Variants in KIAA1217 observed in about 807,000 individuals in gnomAD.
The protein encoded by KIAA1217 is KIAA1217, also known as sickle tail protein homolog.
In KIAA1217, 88 loss-of-function variants were observed where a neutral mutation model predicts 163.9. The ratio of observed to expected loss-of-function variants is 0.54; its 90% CI spans 0.45 to 0.64. The LOEUF (loss-of-function observed/expected upper bound fraction) is 0.64, where lower values mean the gene tolerates loss of function less well. Among genes scored for constraint, KIAA1217 ranks in the 30% least tolerant of loss-of-function variants. The pLI is 0.00. For missense variants in KIAA1217, 2,372 were observed against 2,475.0 expected (o/e 0.96, Z 0.88); for synonymous variants, 903 against 923.1 (o/e 0.98, Z 0.39).
intron 2 of KIAA1217, among the ~76,000 whole-genome samples, chr10:24,112,623 C>T (rs1201936163): frequency 2.6e-5 from 4 of 151,808 alleles, no homozygotes; most frequent in South Asian, 4.2e-4. Flanking sequence ...CTCGCTCTGT[C>T]GCCCAGGCTG....
intron 2 of KIAA1217, among the ~76,000 whole-genome samples, chr10:24,043,279 G>C (rs953938964): frequency 6.6e-6 from 1 of 152,052 alleles, no homozygotes; most frequent in East Asian, 1.9e-4. Context: ...TGTAATATTT[G>C]GCCCTGTGAT....
intron 2 of KIAA1217, among the ~76,000 whole-genome samples, chr10:24,082,367 C>A (rs1338165261): frequency 6.6e-6 from 1 of 152,080 alleles, no homozygotes; most frequent in African/African-American, 2.4e-5. Context: ...GCCCAGCATG[C>A]CTTAGCTATT....
intron 1 of KIAA1217, among the ~76,000 whole-genome samples, chr10:23,998,827 T>C (rs1564598950): frequency 6.6e-6 from 1 of 152,222 alleles, no homozygotes; most frequent in African/African-American, 2.4e-5. Context: ...TGGTTCGTAT[T>C]GAGCATGGTT....
intron 2 of KIAA1217, among the ~76,000 whole-genome samples, chr10:24,353,146 G>A (rs944910591): frequency 1.1e-4 from 17 of 152,020 alleles, no homozygotes; most frequent in African/African-American, 1.7e-4. Flanking sequence ...TAGGTGGTGC[G>A]GTTTCCTGTT....
chr10:23,758,497 T>C (rs1160699563), intron 1 of KIAA1217, among the ~76,000 whole-genome samples: 1 of 152,144 alleles, frequency 6.6e-6, no homozygotes, highest in African/African-American at 2.4e-5. Flanking sequence ...GTCTTCCAGC[T>C]TTGTTATTTT....
intron 2 of KIAA1217, among the ~76,000 whole-genome samples, chr10:24,147,871 G>GAGAAAAGA (rs2064409376): frequency 1.1e-5 from 1 of 94,884 alleles, no homozygotes; most frequent in Non-Finnish European, 2.2e-5. Context: ...AAGAAAGAAA[G>GAGAAAAGA]AGAAAAGAAA....
intron 2 of KIAA1217, among the ~76,000 whole-genome samples, chr10:24,144,351 A>G (rs113420545): frequency 0.011 from 1,641 of 152,348 alleles, 11 homozygotes; most frequent in Non-Finnish European, 0.017. Context: ...GAAATAGAAG[A>G]GCAGATATTG....
intron 9 of KIAA1217, among the ~76,000 whole-genome samples, chr10:24,504,303 G>T (rs577331746): frequency 3.3e-5 from 5 of 152,306 alleles, no homozygotes; most frequent in African/African-American, 9.6e-5. Flanking sequence ...GTGCTTTTGA[G>T]CCTGGGAAGT....
intron 17 of KIAA1217, among the ~76,000 whole-genome samples, chr10:24,540,319 C>T (rs987150724): frequency 6.6e-6 from 1 of 152,126 alleles, no homozygotes; most frequent in South Asian, 2.1e-4. Context: ...CTGCAACCTC[C>T]GCCTCCTGAG....
At chr10:24,475,514 A>G (rs2063917287) in intron 6 of KIAA1217, among the ~76,000 whole-genome samples, 1 of 152,258 alleles carries the variant, frequency 6.6e-6, no homozygotes, top group South Asian at 2.1e-4. Flanking sequence ...GAGAAAGAAC[A>G]TGAAAGTTCT....
At chr10:23,777,452 G>A (rs1835053705) in intron 1 of KIAA1217, among the ~76,000 whole-genome samples, 1 of 152,168 alleles carries the variant, frequency 6.6e-6, no homozygotes, top group Non-Finnish European at 1.5e-5. Flanking sequence ...AAGAGGGAAG[G>A]GGTCTTGCCT....
intron 2 of KIAA1217, among the ~76,000 whole-genome samples, chr10:24,105,739 A>G (rs1402670775): frequency 1.3e-5 from 2 of 152,210 alleles, no homozygotes; most frequent in Non-Finnish European, 2.9e-5. Flanking sequence ...GCATTCTTCT[A>G]GGATGCAATG....
chr10:23,975,779 A>G (rs191882186), intron 1 of KIAA1217, among the ~76,000 whole-genome samples: 72 of 152,212 alleles, frequency 4.7e-4, no homozygotes, highest in Non-Finnish European at 9.3e-4. Flanking sequence ...AGGGATGTCT[A>G]TTCTTTTTGC....
chr10:24,332,852 A>G (rs1004517720), intron 2 of KIAA1217, among the ~76,000 whole-genome samples: 1 of 152,172 alleles, frequency 6.6e-6, no homozygotes, highest in African/African-American at 2.4e-5. Context: ...AACCTGCAAG[A>G]TGGCAGGAAA....
intron 2 of KIAA1217, among the ~76,000 whole-genome samples, chr10:24,197,785 A>G (rs1009403891): frequency 1.3e-5 from 2 of 152,264 alleles, no homozygotes; most frequent in Non-Finnish European, 2.9e-5. Context: ...ACACAGATTT[A>G]TCTCAAACAC....
chr10:23,950,482 G>A (rs143903001), intron 1 of KIAA1217, among the ~76,000 whole-genome samples: 10 of 115,076 alleles, frequency 8.7e-5, no homozygotes. Flanking sequence ...TCACAGACAG[G>A]GATACGGGAG....
intron 3 of KIAA1217, among the ~76,000 whole-genome samples, chr10:24,430,898 G>T (rs2059554413): frequency 6.6e-6 from 1 of 152,224 alleles, no homozygotes; most frequent in Non-Finnish European, 1.5e-5. Flanking sequence ...ACTGGTACTG[G>T]TTTGTGGCCT....
intron 2 of KIAA1217, among the ~76,000 whole-genome samples, chr10:24,376,823 C>T (rs780401427): frequency 3.9e-5 from 6 of 152,106 alleles, no homozygotes; most frequent in East Asian, 1.9e-4. Flanking sequence ...CTCTGGAGTG[C>T]GCCACACGTG....
chr10:24,108,594 CT>C (rs1369110169), intron 2 of KIAA1217, among the ~76,000 whole-genome samples: 2 of 152,060 alleles, frequency 1.3e-5, no homozygotes, highest in African/African-American at 4.8e-5. Context: ...AACTCAATGG[CT>C]TTTTTATGGA....
Sources: gnomAD v4.1 joint callset for allele counts (sites outside exome capture counted in the v4.1 genomes callset) on GRCh38, gnomAD v4.1.1 for gene constraint, MANE v1.5 for transcripts, NCBI Gene and HGNC (gene_info 2026-07-23, HGNC 2026-07-21) for gene names.